Variants in IGDCC3 observed in about 807,000 individuals in gnomAD.
IGDCC3 encodes the protein putative neuronal cell adhesion molecule.
A neutral mutation model predicts 72.0 loss-of-function variants in IGDCC3; 47 were observed. The ratio of observed to expected loss-of-function variants is 0.65; its 90% CI spans 0.52 to 0.83. The LOEUF is 0.83. IGDCC3 is among the 40% of genes least tolerant of loss of function. The pLI is 0.00. For missense variants in IGDCC3, 1,038 were observed against 1,091.3 expected (o/e 0.95, Z 0.69); for synonymous variants, 477 against 472.8 (o/e 1.01, Z -0.11).
intron 2 of IGDCC3, among the ~76,000 whole-genome samples, chr15:65,360,791 T>TC (rs1422383380): frequency 6.6e-6 from 1 of 152,174 alleles, no homozygotes; most frequent in African/African-American, 2.4e-5. Context: ...TTTCTTTTTT[T>TC]CTGAGACAGA....
intron 2 of IGDCC3, among the ~76,000 whole-genome samples, chr15:65,348,210 A>G (rs570371226): frequency 3.3e-5 from 5 of 152,334 alleles, no homozygotes; most frequent in African/African-American, 1.2e-4. Context: ...ATGAGCAACC[A>G]CCAGCCCTTG....
intron 1 of IGDCC3, 78 bp from the exon 2 acceptor site, chr15:65,375,480 T>C (rs1389208584): frequency 8.2e-7 from 1 of 1,214,528 alleles, no homozygotes; most frequent in Non-Finnish European, 1.1e-6. Context: ...TCCACCCACA[T>C]GGTTCCAAGT....
At chr15:65,334,293 T>C (rs1395448525) in intron 5 of IGDCC3, among the ~76,000 whole-genome samples, 1 of 151,814 alleles carries the variant, frequency 6.6e-6, no homozygotes, top group Non-Finnish European at 1.5e-5. Context: ...GGCTAGAGAT[T>C]GGGGGGGCCC....
At position 65,330,554 on chromosome 15, in the gene IGDCC3, C is replaced by CTGGCTGAGGTTGTAGGAGGAGACGG; in HGVS notation, c.1724_1748dup (p.Gln583HisfsTer17). On this transcript the variant is annotated frameshift_variant, in exon 10 of 14. Coordinates refer to ENST00000327987, the MANE Select transcript of IGDCC3 (RefSeq NM_004884.4). LOFTEE classifies it high-confidence loss of function. ...TCTGGGCTGTGTCTGCCTCACCGAGCTGGCTGAGGTTGTAGGAGGAGACGG... is the reference window on the plus strand; with the variant it reads ...TCTGGGCTGTGTCTGCCTCACCGAGCTGGCTGAGGTTGTAGGAGGAGACGGTGGCTGAGGTTGTAGGAGGAGACGG... 1 of 1,612,848 alleles carries CTGGCTGAGGTTGTAGGAGGAGACGG rather than the reference C, an allele frequency of 6.2e-7. No individual in the cohort carries two copies. The highest frequency in any genetic ancestry group is 8.5e-7 in the Non-Finnish European group (1 of 1,179,632).
At chr15:65,354,512 C>T (rs1218143335) in intron 2 of IGDCC3, among the ~76,000 whole-genome samples, 1 of 152,198 alleles carries the variant, frequency 6.6e-6, no homozygotes, top group Non-Finnish European at 1.5e-5. Flanking sequence ...ACGTCTCCTA[C>T]CCCTTTTCAG....
Position 65,330,401 on chromosome 15 carries a change from G to C in IGDCC3, c.1754-4C>G. 1 of 1,610,680 alleles carries C rather than the reference G, an allele frequency of 6.2e-7. No individual in the cohort carries two copies. ...ACCTCATACACTGCAGTGGGGTCTG[G>C]AGGAAGGCAGGGCGGATGAGCAACT... On this transcript the variant is annotated splice_polypyrimidine_tract_variant and splice_region_variant and intron_variant, in intron 10 of 13. Coordinates refer to ENST00000327987, the MANE Select transcript of IGDCC3 (RefSeq NM_004884.4).
Position 65,339,060 on chromosome 15 carries a change from G to A in IGDCC3, c.410-3104C>T, listed in dbSNP as rs1403205612. Reference sequence around the variant, plus strand: ...TGGGACCACAAGCGCGCACCACCACGCCCAGCTAATTTTTTAATTTCTTTT... The same window carrying A: ...TGGGACCACAAGCGCGCACCACCACACCCAGCTAATTTTTTAATTTCTTTT... On this transcript the variant is annotated intron_variant, in intron 2 of 13. Transcript: ENST00000327987. The surrounding 1 kb of genome is among the most constrained non-coding windows in gnomAD (Gnocchi z 4.1). 6.6e-6 allele frequency among the ~76,000 whole-genome samples: 1 copy of A among 151,842 alleles called. No individual in the cohort carries two copies. Among genetic ancestry groups the A allele is most frequent in the Non-Finnish European group, 1.5e-5 (1 of 67,962 alleles).
chr15:65,338,448 G>C (rs2091050225), intron 2 of IGDCC3, among the ~76,000 whole-genome samples: 1 of 152,268 alleles, frequency 6.6e-6, no homozygotes, highest in South Asian at 2.1e-4. Context: ...ACTCTCCAAG[G>C]CCAGGTAACT....
In IGDCC3 at chr15:65,331,468, G is replaced by A. The variant is rs1243403346; in HGVS notation, c.1340C>T (p.Pro447Leu). ...STEVRVSWSE[P>L]LANTKEIIGY... ...GATGATCTCCTTGGTGTTGGCCAGC[G>A]GCTCACTCCAGGACACACGCACCTC... The change falls in exon 8 of 14, where the codon CCG becomes CTG. Residue 447 changes from proline to leucine, a missense_variant. Transcript: ENST00000327987. 3.1e-6 allele frequency: 5 copies of A among 1,613,174 alleles called. No homozygotes were observed. Among genetic ancestry groups the A allele is most frequent in the East Asian group, 2.2e-5 (1 of 44,868 alleles).
At chr15:65,348,340 C>G (rs2091143786) in intron 2 of IGDCC3, among the ~76,000 whole-genome samples, 1 of 152,222 alleles carries the variant, frequency 6.6e-6, no homozygotes, top group Non-Finnish European at 1.5e-5. Flanking sequence ...CAAGAACCCT[C>G]TCTTGGGGTC....
chr15:65,346,470 T>C (rs1237701910), intron 2 of IGDCC3, among the ~76,000 whole-genome samples: 12 of 151,656 alleles, frequency 7.9e-5, no homozygotes, highest in Admixed American at 7.9e-4. Flanking sequence ...GCTCTTTTTT[T>C]TTTTGAGACG....
intron 1 of IGDCC3, 100 bp from the exon 2 acceptor site, chr15:65,375,502 A>G (rs2091353456): frequency 3.5e-6 from 3 of 859,066 alleles, no homozygotes; most frequent in East Asian, 2.7e-5. Context: ...CCTTGGGTCT[A>G]TGCACCCCAT....
intron 2 of IGDCC3, among the ~76,000 whole-genome samples, chr15:65,352,300 A>T (rs1161388811): frequency 1.3e-5 from 2 of 152,198 alleles, no homozygotes; most frequent in Non-Finnish European, 2.9e-5. Flanking sequence ...TTTGGAAACT[A>T]GTTGTGAGTA....
At chr15:65,338,003 G>A (rs1277243015) in intron 2 of IGDCC3, among the ~76,000 whole-genome samples, 1 of 152,224 alleles carries the variant, frequency 6.6e-6, no homozygotes, top group Non-Finnish European at 1.5e-5. Flanking sequence ...AAATATACAA[G>A]GGAAAGGGCT....
At chr15:65,350,351 T>C (rs1312753860) in intron 2 of IGDCC3, among the ~76,000 whole-genome samples, 1 of 151,746 alleles carries the variant, frequency 6.6e-6, no homozygotes, top group Non-Finnish European at 1.5e-5. Context: ...GGCTGGTCTC[T>C]GAACTCCTGA....
At chr15:65,337,073 G>A (rs1414093834) in intron 2 of IGDCC3, among the ~76,000 whole-genome samples, 2 of 152,126 alleles carry the variant, frequency 1.3e-5, no homozygotes, top group Admixed American at 1.3e-4. Context: ...GCTCCCTGGT[G>A]TGGGCAGGCC....
Position 65,335,818 on chromosome 15 carries a change from T to C in IGDCC3, c.548A>G (p.Asn183Ser), listed in dbSNP as rs201572566. ...EKNRVPIDTD[N>S]ERYTLLPKGV... is the part of the protein sequence containing the mutation. The stretch of plus-strand genomic sequence containing the variant: ...TTTCCCACACGTGGCTCACCTCTCA[T>C]TGTCCGTGTCAATTGGGACTCTGTT... The change falls in exon 3 of 14, where the codon AAT becomes AGT. Residue 183 changes from asparagine to serine, a missense_variant. Transcript: ENST00000327987. 6.8e-6 allele frequency: 11 copies of C among 1,614,122 alleles called. No homozygotes were observed. Among genetic ancestry groups the C allele is most frequent in the South Asian group, 1.1e-5 (1 of 91,086 alleles).
At chr15:65,355,820 A>C (rs984597864) in intron 2 of IGDCC3, 19 of 451,900 alleles carry the variant, frequency 4.2e-5, no homozygotes, top group South Asian at 3.0e-4. Context: ...CGAGGGTTTG[A>C]TGTCGCTGGG....
intron 2 of IGDCC3, among the ~76,000 whole-genome samples, chr15:65,342,312 G>C (rs866088237): frequency 6.6e-6 from 1 of 151,912 alleles, no homozygotes; most frequent in Admixed American, 6.5e-5. Flanking sequence ...CTTGAACCCG[G>C]GAGGTGGAGG....
Sources: gnomAD v4.1 joint callset for allele counts (sites outside exome capture counted in the v4.1 genomes callset) on GRCh38, gnomAD v4.1.1 for gene constraint, Gnocchi (gnomAD v3.1) non-coding constraint, MANE v1.5 for transcripts, NCBI Gene and HGNC (gene_info 2026-07-23, HGNC 2026-07-21) for gene names.